CRYBG2: variants seen among roughly 807,000 people sequenced by gnomAD.
The protein encoded by CRYBG2 is crystallin beta-gamma domain containing 2, also known as beta/gamma crystallin domain-containing protein 2.
Under a neutral mutation model 153.4 loss-of-function variants are expected in CRYBG2, and 106 were observed. The ratio of observed to expected loss-of-function variants is 0.69; its 90% CI spans 0.59 to 0.81. The LOEUF (loss-of-function observed/expected upper bound fraction) is 0.81. Among genes scored for constraint, CRYBG2 ranks in the 30% least tolerant of loss-of-function variants. The pLI is 0.00. For synonymous variants in CRYBG2, 851 were observed against 877.8 expected, an observed-to-expected ratio of 0.97 and a Z score of 0.54; for missense variants, 1,996 against 2,112.0, an observed-to-expected ratio of 0.95 and a Z score of 1.08.
chr1:26,342,146 G>C (rs1199614215), intron 5 of CRYBG2, among the ~76,000 whole-genome samples: 1 of 152,132 alleles, frequency 6.6e-6, no homozygotes, highest in Non-Finnish European at 1.5e-5. Context: ...CCTGCATGCT[G>C]GCTCCTGGGG....
At position 26,337,456 on chromosome 1, in the gene CRYBG2, C is replaced by T. The variant is rs576511815; in HGVS notation, c.3645-77G>A. On this transcript the variant is annotated intron_variant, in intron 9 of 19. Transcript: ENST00000308182. ...GATGAATGAGACAGCTGTCCCCACC[C>T]CTACGCAGCCCAGGTCACTCCCCAC... 1.9e-6 allele frequency: 3 copies of T among 1,600,114 alleles called. No individual in the cohort carries two copies. The Admixed American group carries it at 5.1e-5, about 27-fold the overall frequency.
At chr1:26,328,910 G>T in intron 15 of CRYBG2, 37 bp from the exon 16 acceptor site, 2 of 1,611,436 alleles carry the variant, frequency 1.2e-6, no homozygotes, top group Middle Eastern at 1.7e-4. Context: ...GAGGCTCTGA[G>T]AGCCCAAGTC....
chr1:26,328,420 C>T (rs925715828), intron 16 of CRYBG2, 88 bp from the exon 17 acceptor site: 10 of 1,497,650 alleles, frequency 6.7e-6, no homozygotes, highest in Non-Finnish European at 5.4e-6. Flanking sequence ...GACGTCAAAA[C>T]GTTCTCCACC....
chr1:26,337,591 G>A lies in CRYBG2; in HGVS notation c.3591C>T (p.Asp1197=), dbSNP rs375805356. Residue 1197 remains aspartate (D), a synonymous_variant, in exon 9 of 20, where the codon GAC becomes GAT. Transcript: ENST00000308182. The stretch of plus-strand genomic sequence containing the variant: ...CAGAGGCCAGGTGGGGGCTCTGGCT[G>A]TCCTCTGGCTGCTGAAGGTTGTAGA... ...RDIYNLQQPE[D]SQSPHLASVG... is the part of the protein sequence containing the mutation. 4 of 1,613,232 alleles carry A rather than the reference G, an allele frequency of 2.5e-6. No homozygotes were observed. Among genetic ancestry groups the A allele is most frequent in the Non-Finnish European group, 3.4e-6 (4 of 1,179,958 alleles).
At chr1:26,324,131 T>C in intron 18 of CRYBG2, 21 bp downstream of exon 18, 1 of 1,608,292 alleles carries the variant, frequency 6.2e-7, no homozygotes, top group Non-Finnish European at 8.5e-7. Flanking sequence ...GGTGTCCCTG[T>C]GCCAGCCCCT....
intron 5 of CRYBG2, among the ~76,000 whole-genome samples, chr1:26,339,741 C>CA (rs35587689): frequency 0.26 from 37,637 of 142,916 alleles, 4,996 homozygotes; most frequent in Non-Finnish European, 0.31. Context: ...CGTCTCAAAA[C>CA]AAAAAAAAAA....
rs750349538 is a variant in CRYBG2, at chr1:26,342,849, G to C, written c.3109C>G (p.Gln1037Glu). 2 of 1,614,134 alleles carry C rather than the reference G, an allele frequency of 1.2e-6. No homozygotes were observed. ...TCTCCTTCAGGCAGGACCAGCTTCT[G>C]ACCCCGGAACTCTGGCTCTTCGTAC... Reference protein sequence around the residue: ...VLYEEPEFRGQKLVLPEGDME... With the variant: ...VLYEEPEFRGEKLVLPEGDME... The change falls in exon 5 of 20, where the codon CAG (glutamine) becomes GAG (glutamate). Residue 1037 changes from glutamine to glutamate, a missense_variant. By Grantham distance (29) the Gln-to-Glu change is conservative (BLOSUM62 2). Coordinates refer to ENST00000308182, the MANE Select transcript of CRYBG2 (RefSeq NM_001039775.4).
rs1446054131 is a variant in CRYBG2 at position 26,346,108 on chromosome 1, C to T, written c.550G>A (p.Val184Met). 2 of 1,571,358 alleles carry T rather than the reference C, an allele frequency of 1.3e-6. No individual in the cohort carries two copies. Among genetic ancestry groups the T allele is most frequent in the East Asian group, 2.3e-5 (1 of 44,434 alleles). The change falls in exon 2 of 20, where the codon GTG becomes ATG. Residue 184 changes from valine (V) to methionine (M), a missense_variant. Physicochemically the swap from Val to Met is conservative, Grantham distance 21. Coordinates refer to ENST00000308182, the MANE Select transcript of CRYBG2 (RefSeq NM_001039775.4). This position sits in a 1 kb window ranked among gnomAD's most constrained non-coding sequence, Gnocchi z 4.9. ...ATCCGCCGGTCCACATGACCTCCCA[C>T]CACTGTGGTGGTCCGCACAGTGCGT... ...VTRTVRTTTV[V>M]GGHVDRRMSS...
At position 26,338,057 on chromosome 1, in the gene CRYBG2, A is replaced by G; in HGVS notation, c.3472-10T>C. 1.9e-6 allele frequency: 3 copies of G among 1,612,414 alleles called. No individual in the cohort carries two copies. In the South Asian group the frequency reaches 3.3e-5, roughly 18 times the overall value. On this transcript the variant is annotated splice_polypyrimidine_tract_variant and intron_variant, in intron 7 of 19. Transcript: ENST00000308182. ...CCACACTTGGGCAGCCCTGCAGAGG[A>G]GACAGAGCTGAGACACCAGCCCAGA... is the stretch of plus-strand genomic sequence containing the variant.
rs555833294 is a variant in CRYBG2 at position 26,348,604 on chromosome 1, G to A, written c.-55-1892C>T. Among the ~76,000 whole-genome samples the A allele has an allele frequency of 3.3e-5, 5 of 152,134 alleles. No homozygotes were observed. In the South Asian group the frequency reaches 1.0e-3, roughly 32 times the overall value. On this transcript the variant is annotated intron_variant, in intron 1 of 19. Coordinates refer to ENST00000308182, the MANE Select transcript of CRYBG2 (RefSeq NM_001039775.4). ...AGAGTCTCGCTCTGTCGCCCAGGCTGGAGTGCAGTGGCACGATCTCAGCCT... is the reference window on the plus strand; with the variant it reads ...AGAGTCTCGCTCTGTCGCCCAGGCTAGAGTGCAGTGGCACGATCTCAGCCT...
chr1:26,341,119 A>C (rs916660292), intron 5 of CRYBG2, among the ~76,000 whole-genome samples: 2 of 151,870 alleles, frequency 1.3e-5, no homozygotes, highest in African/African-American at 2.4e-5. Context: ...TGGGTGGATC[A>C]CGAGGTCAGG....
At chr1:26,339,450 T>A in intron 5 of CRYBG2, 21 bp from the exon 6 acceptor site, 1 of 1,612,592 alleles carries the variant, frequency 6.2e-7, no homozygotes, top group Non-Finnish European at 8.5e-7. Context: ...AGGGGGAAAA[T>A]TAAATATAGA....
intron 1 of CRYBG2, among the ~76,000 whole-genome samples, chr1:26,351,749 TC>T (rs1373733868): frequency 6.6e-6 from 1 of 152,070 alleles, no homozygotes; most frequent in Non-Finnish European, 1.5e-5. Flanking sequence ...CCTGCATACC[TC>T]CAGGGACAGG....
chr1:26,331,072 G>A (rs2073991824), intron 15 of CRYBG2, among the ~76,000 whole-genome samples: 1 of 152,290 alleles, frequency 6.6e-6, no homozygotes, highest in Non-Finnish European at 1.5e-5. Flanking sequence ...CTGGTCTGTG[G>A]CTGGCAGGGC....
At chr1:26,328,999 C>A in intron 15 of CRYBG2, 126 bp from the exon 16 acceptor site, 1 of 1,184,364 alleles carries the variant, frequency 8.4e-7, no homozygotes, top group African/African-American at 1.6e-5. Context: ...GAGCTCAGTT[C>A]TGCAGGGCCA....
chr1:26,327,837 C>T (rs2073950410), intron 17 of CRYBG2, among the ~76,000 whole-genome samples: 1 of 151,458 alleles, frequency 6.6e-6, no homozygotes, highest in Non-Finnish European at 1.5e-5. Flanking sequence ...GTCCCAGTTA[C>T]TTGGGAGGCT....
Position 26,342,884 on chromosome 1 carries a change from C to T in CRYBG2, c.3075-1G>A, listed in dbSNP as rs1158987817. On this transcript the variant is annotated splice_acceptor_variant, in intron 4 of 19. Coordinates refer to ENST00000308182, the MANE Select transcript of CRYBG2 (RefSeq NM_001039775.4). LOFTEE classifies it high-confidence loss of function. Reference sequence around the variant, plus strand: ...CTCTGGCTCTTCGTACAGCACCCAGCTGTGGGCACAGAGATTCCAGGATCA... The same window carrying T: ...CTCTGGCTCTTCGTACAGCACCCAGTTGTGGGCACAGAGATTCCAGGATCA... 1 of 1,613,946 alleles carries T rather than the reference C, an allele frequency of 6.2e-7. No homozygotes were observed. Among genetic ancestry groups the T allele is most frequent in the Non-Finnish European group, 8.5e-7 (1 of 1,179,984 alleles).
intron 17 of CRYBG2, chr1:26,326,861 G>T (rs545704130): frequency 3.9e-6 from 2 of 507,136 alleles, no homozygotes; most frequent in East Asian, 1.1e-4. Context: ...GGTTCATGTT[G>T]TGAGGTCTAA....
intron 1 of CRYBG2, among the ~76,000 whole-genome samples, chr1:26,351,805 A>G (rs1429647633): frequency 6.6e-6 from 1 of 152,126 alleles, no homozygotes; most frequent in African/African-American, 2.4e-5. Flanking sequence ...CTGAACAGTC[A>G]TGAGTGCTAG....
Sources: gnomAD v4.1 joint callset for allele counts (sites outside exome capture counted in the v4.1 genomes callset) on GRCh38, gnomAD v4.1.1 for gene constraint, Gnocchi (gnomAD v3.1) non-coding constraint, MANE v1.5 for transcripts, NCBI Gene and HGNC (gene_info 2026-07-23, HGNC 2026-07-21) for gene names.